Variants in SLC9A9 observed in about 807,000 individuals in gnomAD.
SLC9A9 encodes the protein sodium/hydrogen exchanger 9.
In SLC9A9, 62 loss-of-function variants were observed where a neutral mutation model predicts 77.8. The ratio of observed to expected loss-of-function variants is 0.80; its 90% CI spans 0.65 to 0.98. The LOEUF (loss-of-function observed/expected upper bound fraction) is 0.98. Ranked by LOEUF, SLC9A9 falls within the 50% of genes least tolerant of loss-of-function variation. The pLI, the probability that SLC9A9 is intolerant of heterozygous loss-of-function variation, is 0.00. For synonymous variants in SLC9A9, 320 were observed against 283.5 expected (o/e 1.13, Z -1.29); for missense variants, 775 against 774.9 (o/e 1.00, Z 0.00).
rs193230639 is a variant in SLC9A9, at chr3:143,389,349, T to C, written c.1470-7235A>G. Among the ~76,000 whole-genome samples, 12 of 152,228 alleles carry C rather than the reference T, an allele frequency of 7.9e-5. No individual in the cohort carries two copies. The East Asian group carries it at 2.3e-3, about 29-fold the overall frequency. ...AGAGTTCATTAGGGTCTAACTAAGT[T>C]AGCAGTGGTGGAAAAGAAGAGAGAG... On this transcript the variant is annotated intron_variant, in intron 12 of 15. Coordinates refer to ENST00000316549, the MANE Select transcript of SLC9A9 (RefSeq NM_173653.4).
At chr3:143,441,842 C>T (rs398051463) in intron 12 of SLC9A9, among the ~76,000 whole-genome samples, 1 of 110,526 alleles carries the variant, frequency 9.0e-6, no homozygotes, top group Non-Finnish European at 2.3e-5. Flanking sequence ...ATTCATCCAT[C>T]CATCCATCCA....
intron 12 of SLC9A9, among the ~76,000 whole-genome samples, chr3:143,401,299 G>C (rs193069741): frequency 6.6e-6 from 1 of 152,200 alleles, no homozygotes; most frequent in East Asian, 1.9e-4. Flanking sequence ...CTGGGTTCTG[G>C]TTAATATTCC....
At chr3:143,376,252 G>C (rs773520968) in intron 13 of SLC9A9, among the ~76,000 whole-genome samples, 2 of 152,176 alleles carry the variant, frequency 1.3e-5, no homozygotes, top group African/African-American at 4.8e-5. Context: ...GGGAAATGAG[G>C]CTGGCCAGGA....
At chr3:143,569,416 G>C (rs1449611084) in intron 8 of SLC9A9, among the ~76,000 whole-genome samples, 1 of 149,776 alleles carries the variant, frequency 6.7e-6, no homozygotes, top group Non-Finnish European at 1.5e-5. Context: ...GTTGATGGGT[G>C]TTAGGACAGG....
intron 6 of SLC9A9, among the ~76,000 whole-genome samples, chr3:143,635,507 T>C (rs1464560488): frequency 6.6e-6 from 1 of 152,230 alleles, no homozygotes. Flanking sequence ...TTGTAGTTTA[T>C]GGCATTCAAA....
intron 14 of SLC9A9, among the ~76,000 whole-genome samples, chr3:143,316,999 A>T (rs1006501942): frequency 6.6e-6 from 1 of 152,108 alleles, no homozygotes; most frequent in African/African-American, 2.4e-5. Flanking sequence ...GTGAGGATTA[A>T]ATAAGTTAAT....
intron 12 of SLC9A9, among the ~76,000 whole-genome samples, chr3:143,386,589 A>T (rs1310714659): frequency 6.6e-6 from 1 of 152,194 alleles, no homozygotes; most frequent in African/African-American, 2.4e-5. Context: ...GTTTTTAAGA[A>T]TGTTAGCAGC....
chr3:143,798,720 G>A (rs949096889), intron 2 of SLC9A9, among the ~76,000 whole-genome samples: 5 of 152,052 alleles, frequency 3.3e-5, no homozygotes, highest in South Asian at 2.1e-4. Context: ...AATTCTTGTC[G>A]TAAAATGGGC....
At chr3:143,485,432 C>T (rs996564425) in intron 11 of SLC9A9, among the ~76,000 whole-genome samples, 13 of 152,008 alleles carry the variant, frequency 8.6e-5, no homozygotes, top group South Asian at 2.1e-4. Flanking sequence ...AATATTAGGT[C>T]ATTAAAAAAT....
At chr3:143,420,317 T>C (rs1324798197) in intron 12 of SLC9A9, among the ~76,000 whole-genome samples, 6 of 152,214 alleles carry the variant, frequency 3.9e-5, no homozygotes, top group Admixed American at 2.0e-4. Context: ...CTTAGTACAA[T>C]AGGCATCCAA....
chr3:143,432,157 C>T (rs1045013717), intron 12 of SLC9A9, among the ~76,000 whole-genome samples: 34 of 152,174 alleles, frequency 2.2e-4, no homozygotes, highest in African/African-American at 8.2e-4. Flanking sequence ...AATGAAAACA[C>T]CCTGAGCACA....
At chr3:143,485,582 CAAGAATA>C (rs2035641538) in intron 11 of SLC9A9, among the ~76,000 whole-genome samples, 1 of 151,914 alleles carries the variant, frequency 6.6e-6, no homozygotes, top group Non-Finnish European at 1.5e-5. Flanking sequence ...ACAAAATTAA[CAAGAATA>C]AACAAACAAA....
intron 11 of SLC9A9, among the ~76,000 whole-genome samples, chr3:143,486,063 C>T (rs2035648917): frequency 6.6e-6 from 1 of 151,950 alleles, no homozygotes; most frequent in Non-Finnish European, 1.5e-5. Flanking sequence ...GGATCCTTAA[C>T]AAGATTATCA....
intron 14 of SLC9A9, among the ~76,000 whole-genome samples, chr3:143,287,413 C>A (rs1938413980): frequency 6.6e-6 from 1 of 152,066 alleles, no homozygotes; most frequent in Non-Finnish European, 1.5e-5. Context: ...AAACAACAAC[C>A]AAATTCCTTT....
At chr3:143,781,783 C>T (rs1372292845) in intron 4 of SLC9A9, among the ~76,000 whole-genome samples, 2 of 152,200 alleles carry the variant, frequency 1.3e-5, no homozygotes, top group Admixed American at 6.5e-5. Flanking sequence ...CATTCATGTT[C>T]ATGATTCTGT....
chr3:143,341,264 A>G (rs1004629773), intron 14 of SLC9A9, among the ~76,000 whole-genome samples: 12 of 152,244 alleles, frequency 7.9e-5, no homozygotes, highest in Non-Finnish European at 1.5e-4. Flanking sequence ...CTTAGCTTTC[A>G]TAAACTTTTG....
intron 12 of SLC9A9, among the ~76,000 whole-genome samples, chr3:143,455,142 G>A (rs2035067916): frequency 6.6e-6 from 1 of 152,174 alleles, no homozygotes; most frequent in Admixed American, 6.5e-5. Flanking sequence ...ACCACAGATA[G>A]ACACTTATTC....
At chr3:143,691,134 C>T (rs1410053533) in intron 5 of SLC9A9, among the ~76,000 whole-genome samples, 2 of 152,080 alleles carry the variant, frequency 1.3e-5, no homozygotes, top group Non-Finnish European at 2.9e-5. Flanking sequence ...CTATGTGGTG[C>T]CAATCCTGCT....
chr3:143,837,848 T>C (rs1435754890), intron 1 of SLC9A9, among the ~76,000 whole-genome samples: 8 of 152,202 alleles, frequency 5.3e-5, no homozygotes, highest in Admixed American at 2.0e-4. Context: ...TCTCTTCTTT[T>C]CCAGCATATT....
Sources: allele counts gnomAD v4.1 joint callset (sites outside exome capture counted in the v4.1 genomes callset), GRCh38; gene constraint gnomAD v4.1.1; transcripts MANE v1.5; gene names NCBI Gene and HGNC (gene_info 2026-07-23, HGNC 2026-07-21).